MERTK: variants seen among roughly 807,000 people sequenced by gnomAD.
MERTK encodes the protein MER proto-oncogene, tyrosine kinase.
MERTK carries 69 observed loss-of-function variants against 99.3 expected under a neutral mutation model. That is an observed-to-expected ratio of 0.70 (90% CI 0.57 to 0.85). The LOEUF is 0.85. MERTK is among the 40% of genes least tolerant of loss of function. MERTK has a pLI of 0.00. For missense variants in MERTK, 1,125 were observed against 1,249.4 expected, an observed-to-expected ratio of 0.90 and a Z score of 1.50; for synonymous variants, 426 against 467.6, an observed-to-expected ratio of 0.91 and a Z score of 1.15.
chr2:112,005,397 A>G (rs969554919), intron 13 of MERTK, among the ~76,000 whole-genome samples: 3 of 152,338 alleles, frequency 2.0e-5, no homozygotes, highest in African/African-American at 4.8e-5. Context: ...TAAGGAAACT[A>G]TAGTGACTTG....
At chr2:112,022,943 A>C (rs970551613) in intron 18 of MERTK, among the ~76,000 whole-genome samples, 4 of 152,038 alleles carry the variant, frequency 2.6e-5, no homozygotes, top group Non-Finnish European at 4.4e-5. Context: ...GGAAATTATG[A>C]TGCTTTCGGT....
chr2:112,004,315 G>A (rs1676936718), intron 13 of MERTK, among the ~76,000 whole-genome samples: 1 of 151,994 alleles, frequency 6.6e-6, no homozygotes, highest in African/African-American at 2.4e-5. Context: ...AGCATCAATT[G>A]CTGAGGCAGG....
At chr2:111,941,730 G>A (rs1285609694) in intron 2 of MERTK, among the ~76,000 whole-genome samples, 2 of 152,158 alleles carry the variant, frequency 1.3e-5, no homozygotes, top group South Asian at 2.1e-4. Context: ...AATCTTTGCT[G>A]TAATATAGGT....
At chr2:112,014,820 C>A (rs1677184755) in intron 15 of MERTK, among the ~76,000 whole-genome samples, 1 of 151,026 alleles carries the variant, frequency 6.6e-6, no homozygotes, top group South Asian at 2.1e-4. Flanking sequence ...TGTATTTGTA[C>A]TAGAGACGGG....
At position 111,929,368 on chromosome 2, in the gene MERTK, A is replaced by G; in HGVS notation, c.310A>G (p.Ile104Val). The change falls in exon 2 of 19, where the codon ATA (isoleucine) becomes GTA (valine). Residue 104 changes from isoleucine (I) to valine (V), a missense_variant. Coordinates refer to ENST00000295408, the MANE Select transcript of MERTK (RefSeq NM_006343.3). ...CTTCAAACACACAGTTGGACACATA[A>G]TACTTTCTGAACATAAAGGTGTCAA... Reference protein sequence around the residue: ...LAFKHTVGHIILSEHKGVKFN... With the variant: ...LAFKHTVGHIVLSEHKGVKFN... 1.2e-6 allele frequency: 2 copies of G among 1,614,136 alleles called. No individual in the cohort carries two copies. The highest frequency in any genetic ancestry group is 4.5e-5 in the East Asian group (2 of 44,874).
chr2:111,976,855 T>C (rs1295897111), intron 7 of MERTK, among the ~76,000 whole-genome samples: 1 of 152,064 alleles, frequency 6.6e-6, no homozygotes, highest in African/African-American at 2.4e-5. Flanking sequence ...TTCTGTTCTT[T>C]TAGTGGTTGC....
Position 111,997,347 on chromosome 2 carries a change from C to CA in MERTK, c.1477dup (p.Thr493AsnfsTer52). On this transcript the variant is annotated frameshift_variant, in exon 10 of 19. Coordinates refer to ENST00000295408, the MANE Select transcript of MERTK (RefSeq NM_006343.3). LOFTEE classifies it high-confidence loss of function. ...GGTTGGGTAGATTATGCCCCCTCTT[C>CA]AACTCCGGCGCCTGGCAACGCAGAT... The CA allele has an allele frequency of 6.2e-7, 1 of 1,614,170 alleles. No individual in the cohort carries two copies. The highest frequency in any genetic ancestry group is 8.5e-7 in the Non-Finnish European group (1 of 1,179,996).
intron 1 of MERTK, among the ~76,000 whole-genome samples, chr2:111,924,933 C>T (rs1044740078): frequency 2.6e-5 from 4 of 152,024 alleles, no homozygotes; most frequent in Non-Finnish European, 5.9e-5. Context: ...TGGTAGGTAT[C>T]ATGGAGCTTT....
At chr2:112,027,757 C>G (rs1057362547) in intron 18 of MERTK, among the ~76,000 whole-genome samples, 1 of 152,222 alleles carries the variant, frequency 6.6e-6, no homozygotes, top group Non-Finnish European at 1.5e-5. Flanking sequence ...CAGCACACAA[C>G]TACCCCCTGC....
At chr2:111,934,087 A>T (rs1684723603) in intron 2 of MERTK, among the ~76,000 whole-genome samples, 1 of 152,086 alleles carries the variant, frequency 6.6e-6, no homozygotes, top group Non-Finnish European at 1.5e-5. Context: ...ATTCCATGGC[A>T]TATATGTGTC....
At chr2:111,989,672 A>G (rs566720505) in intron 8 of MERTK, among the ~76,000 whole-genome samples, 3 of 152,284 alleles carry the variant, frequency 2.0e-5, no homozygotes, top group Admixed American at 2.0e-4. Context: ...GAATTCTTAT[A>G]AAGTAGTTGG....
chr2:111,919,437 T>C lies in MERTK; in HGVS notation c.62-9683T>C, dbSNP rs528370161. Among the ~76,000 whole-genome samples, 16 of 152,210 alleles carry C rather than the reference T, an allele frequency of 1.1e-4. No individual in the cohort carries two copies. In the South Asian group the frequency reaches 3.3e-3, roughly 32 times the overall value. On this transcript the variant is annotated intron_variant, in intron 1 of 18. Transcript: ENST00000295408. The stretch of plus-strand genomic sequence containing the variant: ...GGGTGGGACATGGGCATCAGAAGCT[T>C]AAAAACATTTCCTGGAAGATTCTGA...
chr2:111,902,338 G>A (rs548981663), intron 1 of MERTK, among the ~76,000 whole-genome samples: 10 of 152,304 alleles, frequency 6.6e-5, no homozygotes, highest in African/African-American at 2.4e-4. Flanking sequence ...ACTGAGCTGG[G>A]ACCTTGAACA....
At chr2:112,010,716 G>A (rs1360525523) in intron 15 of MERTK, among the ~76,000 whole-genome samples, 1 of 152,122 alleles carries the variant, frequency 6.6e-6, no homozygotes, top group Non-Finnish European at 1.5e-5. Flanking sequence ...TGGGGACATT[G>A]TATCTTTCAT....
intron 2 of MERTK, among the ~76,000 whole-genome samples, chr2:111,938,418 T>A (rs187502416): frequency 4.6e-5 from 7 of 152,352 alleles, no homozygotes; most frequent in African/African-American, 1.7e-4. Context: ...GGTGGCATCA[T>A]ACAATATTTG....
chr2:111,913,736 G>A (rs1684294495), intron 1 of MERTK, among the ~76,000 whole-genome samples: 1 of 151,954 alleles, frequency 6.6e-6, no homozygotes, highest in Non-Finnish European at 1.5e-5. Flanking sequence ...TTTGATAGAG[G>A]TGGGGTTTCA....
chr2:111,975,437 T>G lies in MERTK; in HGVS notation c.1109T>G (p.Val370Gly). ...ATGAATGAAATAGGCTGGTCTGCAG[T>G]GAGCCCTTGGATTCTAGCCAGCACG... is the stretch of plus-strand genomic sequence containing the variant. The part of the protein sequence containing the change: ...SCMNEIGWSA[V>G]SPWILASTTE... The change falls in exon 7 of 19, where the codon GTG becomes GGG. Residue 370 changes from valine (V) to glycine (G), a missense_variant. Val to Gly is a moderately radical substitution (Grantham distance 109). Transcript: ENST00000295408. The G allele has an allele frequency of 6.2e-7, 1 of 1,614,184 alleles. No homozygotes were observed. The highest frequency in any genetic ancestry group is 2.2e-5 in the East Asian group (1 of 44,886).
chr2:112,005,295 C>T (rs546635941), intron 13 of MERTK, among the ~76,000 whole-genome samples: 185 of 152,306 alleles, frequency 1.2e-3, no homozygotes, highest in African/African-American at 4.4e-3. Context: ...TGGTTTCGAA[C>T]TCCTAACCTC....
At chr2:111,976,212 T>G (rs1036913439) in intron 7 of MERTK, among the ~76,000 whole-genome samples, 3 of 152,072 alleles carry the variant, frequency 2.0e-5, no homozygotes, top group Admixed American at 6.6e-5. Context: ...TCCAGGAACC[T>G]GCACATGTTC....
Sources: gnomAD v4.1 joint callset for allele counts (sites outside exome capture counted in the v4.1 genomes callset) on GRCh38, gnomAD v4.1.1 for gene constraint, MANE v1.5 for transcripts, NCBI Gene and HGNC (gene_info 2026-07-23, HGNC 2026-07-21) for gene names.